KIF18A: variants seen among roughly 807,000 people sequenced by gnomAD.
KIF18A encodes kinesin family member 18A.
KIF18A carries 67 observed loss-of-function variants against 103.3 expected under a neutral mutation model. The ratio of observed to expected loss-of-function variants is 0.65; its 90% confidence interval spans 0.53 to 0.79. The LOEUF (loss-of-function observed/expected upper bound fraction) is 0.79, where lower values mean the gene tolerates loss of function less well. Ranked by LOEUF, KIF18A falls within the 30% of genes least tolerant of loss-of-function variation. The pLI, the probability that KIF18A is intolerant of heterozygous loss-of-function variation, is 0.00. For missense variants in KIF18A, 1,032 were observed against 1,062.5 expected (o/e 0.97, Z 0.40); for synonymous variants, 367 against 355.5 (o/e 1.03, Z -0.36).
chr11:28,072,795 G>C (rs1851038052), intron 10 of KIF18A, among the ~76,000 whole-genome samples: 1 of 150,326 alleles, frequency 6.7e-6, no homozygotes, highest in African/African-American at 2.4e-5. Flanking sequence ...CATAAAACCA[G>C]TCAAACCCAT....
At chr11:28,047,005 G>A (rs1850644445) in intron 13 of KIF18A, among the ~76,000 whole-genome samples, 1 of 146,778 alleles carries the variant, frequency 6.8e-6, no homozygotes, top group Non-Finnish European at 1.5e-5. Context: ...AGTGAGCCTA[G>A]GTCATGCCAT....
intron 15 of KIF18A, among the ~76,000 whole-genome samples, chr11:28,031,532 G>C (rs1850408267): frequency 6.6e-6 from 1 of 152,058 alleles, no homozygotes; most frequent in African/African-American, 2.4e-5. Context: ...GGCCTGTTGT[G>C]GGGTAGGGGG....
chr11:28,088,712 G>T lies in KIF18A; in HGVS notation c.709C>A (p.Arg237=). ...ATACTTGCTGTTTTGTCTTGTTGTCGCAAGTAAATCTTTTTGAAATTACAA... is the reference window on the plus strand; with the variant it reads ...ATACTTGCTGTTTTGTCTTGTTGTCTCAAGTAAATCTTTTTGAAATTACAA... ...RSHAVFQIYL[R]QQDKTASINQ... is the part of the protein sequence containing the mutation. The change falls in exon 6 of 17, where the codon CGA becomes AGA. Residue 237 remains arginine, a synonymous_variant. Coordinates refer to ENST00000263181, the MANE Select transcript of KIF18A (RefSeq NM_031217.4). The T allele has an allele frequency of 6.2e-7, 1 of 1,612,386 alleles. No individual in the cohort carries two copies. Among genetic ancestry groups the T allele is most frequent in the Non-Finnish European group, 8.5e-7 (1 of 1,178,916 alleles).
At chr11:28,063,827 A>G (rs1850884535) in intron 11 of KIF18A, among the ~76,000 whole-genome samples, 1 of 152,014 alleles carries the variant, frequency 6.6e-6, no homozygotes, top group Admixed American at 6.6e-5. Flanking sequence ...GCGAGTGGAA[A>G]CAATGCAAAG....
chr11:28,039,552 G>A (rs1432868719), intron 13 of KIF18A, among the ~76,000 whole-genome samples: 1 of 151,632 alleles, frequency 6.6e-6, no homozygotes, highest in Non-Finnish European at 1.5e-5. Context: ...TCCCATCATG[G>A]TGGACCACAT....
intron 1 of KIF18A, among the ~76,000 whole-genome samples, chr11:28,102,858 G>A (rs1314214148): frequency 6.6e-6 from 1 of 152,138 alleles, no homozygotes; most frequent in Non-Finnish European, 1.5e-5. Context: ...TGCCTTCTTT[G>A]TTTTCTAGGA....
Position 28,052,061 on chromosome 11 carries a change from C to T in KIF18A, c.1948+6865G>A, listed in dbSNP as rs753079303. The stretch of plus-strand genomic sequence containing the variant: ...TTCCAAATCTAATTTTCTTGGAAAT[C>T]TTGCTGGCTCTACCTTCAAAACATT... On this transcript the variant is annotated intron_variant, in intron 13 of 16. Transcript: ENST00000263181. Among the ~76,000 whole-genome samples, 23 of 152,178 alleles carry T rather than the reference C, an allele frequency of 1.5e-4. No individual in the cohort carries two copies. In the South Asian group the frequency reaches 2.1e-3, roughly 14 times the overall value.
Position 28,035,471 on chromosome 11 carries a change from G to C in KIF18A, c.2420C>G (p.Thr807Ser), listed in dbSNP as rs1850473741. 1 of 1,594,650 alleles carries C rather than the reference G, an allele frequency of 6.3e-7. No individual in the cohort carries two copies. Among genetic ancestry groups the C allele is most frequent in the Non-Finnish European group, 8.6e-7 (1 of 1,169,130 alleles). The part of the protein sequence containing the change: ...LQRLDPSSFS[T>S]KHSMPVPSMV... ...GCTTGGTACAGGCATAGAATGCTTA[G>C]TTGAGAATGAAGAAGGATCAAGCCT... The change falls in exon 15 of 17, where the codon ACT (threonine) becomes AGT (serine). Residue 807 changes from threonine to serine, a missense_variant. Physicochemically the swap from Thr to Ser is moderately conservative, Grantham distance 58. Transcript: ENST00000263181.
intron 9 of KIF18A, among the ~76,000 whole-genome samples, chr11:28,077,993 TATTTTA>T (rs1184873511): frequency 6.6e-6 from 1 of 152,202 alleles, no homozygotes; most frequent in Non-Finnish European, 1.5e-5. Context: ...GTCACAGTAA[TATTTTA>T]ATTTTTTAAA....
chr11:28,092,347 T>A (rs919899684), intron 3 of KIF18A, among the ~76,000 whole-genome samples: 4 of 152,118 alleles, frequency 2.6e-5, no homozygotes, highest in Non-Finnish European at 5.9e-5. Flanking sequence ...TGACATATAA[T>A]TACTAATAAT....
intron 1 of KIF18A, among the ~76,000 whole-genome samples, chr11:28,105,687 T>C (rs746548097): frequency 1.3e-5 from 2 of 152,150 alleles, no homozygotes; most frequent in Non-Finnish European, 2.9e-5. Flanking sequence ...GCACAGGAGC[T>C]CTTGAATGTG....
intron 3 of KIF18A, among the ~76,000 whole-genome samples, chr11:28,093,813 T>C (rs138722568): frequency 1.5e-3 from 221 of 152,270 alleles, no homozygotes; most frequent in African/African-American, 5.1e-3. Flanking sequence ...TAGTAATTGA[T>C]TCAGTCACCA....
intron 15 of KIF18A, among the ~76,000 whole-genome samples, chr11:28,032,780 G>T (rs915674467): frequency 1.3e-5 from 2 of 151,746 alleles, no homozygotes; most frequent in African/African-American, 4.8e-5. Flanking sequence ...GAAAACATTG[G>T]GGAAACTCTC....
At position 28,063,272 on chromosome 11, in the gene KIF18A, C is replaced by T. The variant is rs576261963; in HGVS notation, c.1591-756G>A. On this transcript the variant is annotated intron_variant, in intron 11 of 16. Coordinates refer to ENST00000263181, the MANE Select transcript of KIF18A (RefSeq NM_031217.4). Reference sequence around the variant, plus strand: ...AAATTTAAGAGCTGGATCAGATGATCTCTTCAGTCCTTTCCAGTTAGAAAA... The same window carrying T: ...AAATTTAAGAGCTGGATCAGATGATTTCTTCAGTCCTTTCCAGTTAGAAAA... 9.1e-4 allele frequency among the ~76,000 whole-genome samples: 138 copies of T among 152,130 alleles called. 1 individual carries two copies. In the South Asian group the frequency reaches 0.028, roughly 30 times the overall value.
intron 11 of KIF18A, among the ~76,000 whole-genome samples, chr11:28,067,576 T>C (rs1052804884): frequency 3.2e-4 from 48 of 152,258 alleles, no homozygotes; most frequent in Admixed American, 3.0e-3. Context: ...ATAAAAAAAT[T>C]AGTACTTTTG....
chr11:28,096,497 A>C (rs906216279), intron 2 of KIF18A, among the ~76,000 whole-genome samples: 2 of 152,190 alleles, frequency 1.3e-5, no homozygotes, highest in East Asian at 1.9e-4. Context: ...AATATAAAGA[A>C]AGCCAAAAAG....
Position 28,083,263 on chromosome 11 carries a change from A to G in KIF18A, c.1075-20T>C. 1 of 1,545,526 alleles carries G rather than the reference A, an allele frequency of 6.5e-7. No individual in the cohort carries two copies. Among genetic ancestry groups the G allele is most frequent in the Non-Finnish European group, 8.6e-7 (1 of 1,156,678 alleles). ...CTTCAACTGTTGAAAGATAGAAATTATGATTGTTTATAGAGAGATAATAAT... is the reference window on the plus strand; with the variant it reads ...CTTCAACTGTTGAAAGATAGAAATTGTGATTGTTTATAGAGAGATAATAAT... On this transcript the variant is annotated intron_variant, in intron 7 of 16. Transcript: ENST00000263181.
chr11:28,087,479 G>T (rs760006514), intron 6 of KIF18A, among the ~76,000 whole-genome samples: 1 of 152,116 alleles, frequency 6.6e-6, no homozygotes, highest in Non-Finnish European at 1.5e-5. Context: ...TCTTTATCTA[G>T]TCTATCATTG....
At chr11:28,082,136 C>T (rs1851173422) in intron 9 of KIF18A, among the ~76,000 whole-genome samples, 1 of 152,126 alleles carries the variant, frequency 6.6e-6, no homozygotes. Flanking sequence ...TTACCACCTA[C>T]TCCCTATAAA....
Sources: gnomAD v4.1 joint callset for allele counts (sites outside exome capture counted in the v4.1 genomes callset) on GRCh38, gnomAD v4.1.1 for gene constraint, MANE v1.5 for transcripts, NCBI Gene and HGNC (gene_info 2026-07-23, HGNC 2026-07-21) for gene names.